ADAMTS19: variants seen among roughly 807,000 people sequenced by gnomAD.
ADAMTS19 encodes ADAM metallopeptidase with thrombospondin type 1 motif 19, also known as A disintegrin and metalloproteinase with thrombospondin motifs 19.
Under a neutral mutation model 153.3 loss-of-function variants are expected in ADAMTS19, and 93 were observed. The ratio of observed to expected loss-of-function variants is 0.61; its 90% CI spans 0.51 to 0.72. The LOEUF (loss-of-function observed/expected upper bound fraction) is 0.72. ADAMTS19 is among the 30% of genes least tolerant of loss of function. ADAMTS19 has a pLI of 0.00. For synonymous variants in ADAMTS19, 600 were observed against 556.6 expected (o/e 1.08, Z -1.10); for missense variants, 1,482 against 1,552.1 (o/e 0.95, Z 0.76).
At chr5:129,552,318 T>C (rs559923787) in intron 7 of ADAMTS19, among the ~76,000 whole-genome samples, 4 of 151,872 alleles carry the variant, frequency 2.6e-5, no homozygotes, top group African/African-American at 9.7e-5. Flanking sequence ...AATAAACTGC[T>C]AGATTCAGTA....
At chr5:129,638,606 C>A (rs1186085877) in intron 10 of ADAMTS19, among the ~76,000 whole-genome samples, 1 of 150,586 alleles carries the variant, frequency 6.6e-6, no homozygotes, top group Non-Finnish European at 1.5e-5. Flanking sequence ...CACACACAAG[C>A]TATTCTAATA....
intron 6 of ADAMTS19, among the ~76,000 whole-genome samples, chr5:129,537,484 T>G (rs1455086981): frequency 6.6e-6 from 1 of 152,168 alleles, no homozygotes; most frequent in African/African-American, 2.4e-5. Context: ...CACGTATGTT[T>G]ATTGCGGCAC....
At chr5:129,706,534 G>A (rs185082183) in intron 21 of ADAMTS19, among the ~76,000 whole-genome samples, 6 of 148,340 alleles carry the variant, frequency 4.0e-5, no homozygotes, top group African/African-American at 1.2e-4. Context: ...ACGCCATTGC[G>A]CTCCAGCCTG....
chr5:129,638,280 C>T (rs1258898597), intron 10 of ADAMTS19, among the ~76,000 whole-genome samples: 2 of 151,982 alleles, frequency 1.3e-5, no homozygotes, highest in Non-Finnish European at 2.9e-5. Context: ...TAGAATTGTT[C>T]ACCTTTTCTA....
chr5:129,598,201 C>T (rs1750473405), intron 8 of ADAMTS19, among the ~76,000 whole-genome samples: 1 of 152,124 alleles, frequency 6.6e-6, no homozygotes, highest in Non-Finnish European at 1.5e-5. Flanking sequence ...ACACTCAACC[C>T]ACAGCCCATA....
intron 7 of ADAMTS19, among the ~76,000 whole-genome samples, chr5:129,578,844 A>G (rs1749343872): frequency 6.6e-6 from 1 of 151,994 alleles, no homozygotes; most frequent in South Asian, 2.1e-4. Context: ...TCTATTATTG[A>G]TTGGCATTTG....
At chr5:129,642,311 C>T (rs1031918344) in intron 11 of ADAMTS19, among the ~76,000 whole-genome samples, 23 of 151,930 alleles carry the variant, frequency 1.5e-4, no homozygotes, top group African/African-American at 5.3e-4. Flanking sequence ...TTCTCATTGC[C>T]AATGGATCTT....
At chr5:129,707,891 T>C (rs1404026241) in intron 21 of ADAMTS19, among the ~76,000 whole-genome samples, 4 of 152,170 alleles carry the variant, frequency 2.6e-5, no homozygotes, top group Non-Finnish European at 2.9e-5. Context: ...CTTAATAATA[T>C]AGATGAGTCC....
At chr5:129,559,975 G>A (rs558824272) in intron 7 of ADAMTS19, among the ~76,000 whole-genome samples, 39 of 152,152 alleles carry the variant, frequency 2.6e-4, no homozygotes, top group Middle Eastern at 3.4e-3. Context: ...TCCTATTGAA[G>A]CAATATTTAT....
intron 2 of ADAMTS19, among the ~76,000 whole-genome samples, chr5:129,462,050 A>T (rs1419487753): frequency 6.6e-6 from 1 of 152,186 alleles, no homozygotes; most frequent in African/African-American, 2.4e-5. Context: ...CCAATGGCTC[A>T]ACTTCTTTCT....
intron 17 of ADAMTS19, among the ~76,000 whole-genome samples, chr5:129,682,819 C>T (rs1174387576): frequency 1.3e-5 from 2 of 151,950 alleles, no homozygotes; most frequent in African/African-American, 2.4e-5. Flanking sequence ...TTTATAAAGT[C>T]GACACACTAG....
chr5:129,471,690 T>C (rs1301940940), intron 2 of ADAMTS19, among the ~76,000 whole-genome samples: 1 of 152,142 alleles, frequency 6.6e-6, no homozygotes, highest in African/African-American at 2.4e-5. Flanking sequence ...TTTTTTCTTA[T>C]CCTTTCCCTC....
At chr5:129,666,849 T>G (rs1581205582) in intron 16 of ADAMTS19, among the ~76,000 whole-genome samples, 1 of 152,200 alleles carries the variant, frequency 6.6e-6, no homozygotes, top group East Asian at 1.9e-4. Context: ...TACACTTGCA[T>G]GTATGTTTTC....
At chr5:129,474,496 A>G (rs77245406) in intron 2 of ADAMTS19, among the ~76,000 whole-genome samples, 17,367 of 152,118 alleles carry the variant, frequency 0.11, 1,120 homozygotes, top group Middle Eastern at 0.17. Context: ...TCAAATTACT[A>G]TATCATTTTA....
At position 129,461,469 on chromosome 5, in the gene ADAMTS19, GC is replaced by G; in HGVS notation, c.461del (p.Pro154ArgfsTer96). 1.4e-6 allele frequency: 2 copies of G among 1,465,938 alleles called. No homozygotes were observed. The highest frequency in any genetic ancestry group is 1.8e-6 in the Non-Finnish European group (2 of 1,118,254). 90.8% of individuals were successfully genotyped at this position (1,465,938 alleles called of 1,614,324 possible). A position where few individuals can be genotyped will look rare whatever the true frequency, so the allele number is the denominator to read the frequency against. On this transcript the variant is annotated frameshift_variant, in exon 2 of 23. Transcript: ENST00000274487. LOFTEE classifies it high-confidence loss of function. This position sits in a 1 kb window ranked among gnomAD's most constrained non-coding sequence, Gnocchi z 4.6. Reference protein sequence around the residue: ...ASWQPPPPPQPPPSPPPAQHA... With the variant: ...ASWQPPPPPQXPPSPPPAQHA... ...CGTGGCAGCCGCCGCCTCCCCCGCA[GC>G]CGCCCCCGTCCCCGCCCCCGGCCCA...
chr5:129,599,407 CTT>C (rs1750535858), intron 8 of ADAMTS19, among the ~76,000 whole-genome samples: 2 of 151,990 alleles, frequency 1.3e-5, no homozygotes, highest in Non-Finnish European at 2.9e-5. Context: ...GATTTTTGCT[CTT>C]GAGCTATGCA....
At chr5:129,543,957 T>G (rs1752755630) in intron 6 of ADAMTS19, among the ~76,000 whole-genome samples, 1 of 152,196 alleles carries the variant, frequency 6.6e-6, no homozygotes, top group Admixed American at 6.6e-5. Flanking sequence ...ATTTTGTGCC[T>G]TGTATTGAAA....
intron 16 of ADAMTS19, among the ~76,000 whole-genome samples, chr5:129,678,975 G>C (rs1368706160): frequency 6.6e-6 from 1 of 152,072 alleles, no homozygotes; most frequent in East Asian, 1.9e-4. Context: ...GAGTCTAAAA[G>C]TTTAAATTAA....
At chr5:129,523,242 A>G (rs910538904) in intron 3 of ADAMTS19, among the ~76,000 whole-genome samples, 4 of 152,164 alleles carry the variant, frequency 2.6e-5, no homozygotes, top group Non-Finnish European at 2.9e-5. Context: ...ATCAGAAACC[A>G]TAAAGATAGA....
Sources: gnomAD v4.1 joint callset for allele counts (sites outside exome capture counted in the v4.1 genomes callset) on GRCh38, gnomAD v4.1.1 for gene constraint, Gnocchi (gnomAD v3.1) non-coding constraint, MANE v1.5 for transcripts, NCBI Gene and HGNC (gene_info 2026-07-23, HGNC 2026-07-21) for gene names.